The following ILDR1 variants were observed in gnomAD, a reference collection of about 807,000 sequenced individuals.
The protein encoded by ILDR1 is immunoglobulin-like domain-containing receptor 1.
In ILDR1, 56 loss-of-function variants were observed where a neutral mutation model predicts 62.4. The ratio of observed to expected loss-of-function variants is 0.90; its 90% confidence interval spans 0.72 to 1.12. The LOEUF (loss-of-function observed/expected upper bound fraction) is 1.12. Among genes scored for constraint, ILDR1 ranks in the 50% most tolerant of loss-of-function variants. The pLI, the probability that ILDR1 is intolerant of heterozygous loss-of-function variation, is 0.00. For missense variants in ILDR1, 736 were observed against 710.6 expected, an observed-to-expected ratio of 1.04 and a Z score of -0.41; for synonymous variants, 284 against 277.8, an observed-to-expected ratio of 1.02 and a Z score of -0.22.
the ILDR1 span, among the ~76,000 whole-genome samples, chr3:122,055,004 G>A: frequency 2.6e-5 from 4 of 152,052 alleles, no homozygotes; most frequent in South Asian, 8.3e-4. Flanking sequence ...GCAGGGTTAG[G>A]TGGCTACTCA....
chr3:121,991,852 C>G (rs541994359), intron 7 of ILDR1, among the ~76,000 whole-genome samples: 1 of 152,202 alleles, frequency 6.6e-6, no homozygotes, highest in Non-Finnish European at 1.5e-5. Context: ...CACAGCAGAA[C>G]ATGTACTTCC....
the ILDR1 span, among the ~76,000 whole-genome samples, chr3:122,047,685 G>A: frequency 5.3e-5 from 8 of 152,116 alleles, no homozygotes; most frequent in East Asian, 1.9e-4. Context: ...TTCCAGGTGC[G>A]TCTGTCACCC....
chr3:122,060,934 A>T, the ILDR1 span, among the ~76,000 whole-genome samples: 1 of 152,344 alleles, frequency 6.6e-6, no homozygotes, highest in East Asian at 1.9e-4. Context: ...AGAATGGGAA[A>T]AAAAACCCAT....
Position 122,007,174 on chromosome 3 carries a change from G to C in ILDR1, c.59-13C>G, listed in dbSNP as rs762552436. The C allele has an allele frequency of 1.2e-6, 2 of 1,614,038 alleles. No homozygotes were observed. The highest frequency in any genetic ancestry group is 2.7e-5 in the African/African-American group (2 of 74,910). On this transcript the variant is annotated splice_polypyrimidine_tract_variant and intron_variant, in intron 1 of 7. Coordinates refer to ENST00000344209, the MANE Select transcript of ILDR1 (RefSeq NM_001199799.2). ...AAGGACAGGCACCCTAAAGCCAAGA[G>C]CAGGAGAAAATGCTGAAGGTGACCT...
chr3:121,993,238 C>A lies in ILDR1; in HGVS notation c.1511G>T (p.Trp504Leu), dbSNP rs770839837. 1 of 1,613,858 alleles carries A rather than the reference C, an allele frequency of 6.2e-7. No individual in the cohort carries two copies. The highest frequency in any genetic ancestry group is 1.7e-5 in the Admixed American group (1 of 60,000). Residue 504 changes from tryptophan to leucine, a missense_variant, in exon 7 of 8, where the codon TGG (tryptophan) becomes TTG (leucine). Physicochemically the swap from Trp to Leu is moderately conservative, Grantham distance 61. Transcript: ENST00000344209. ...GTAGCTAGGCGGCTTCTCCTCGGGCCAGTGTGGGGAGTGCGAGCCGCGGCG... is the reference window on the plus strand; with the variant it reads ...GTAGCTAGGCGGCTTCTCCTCGGGCAAGTGTGGGGAGTGCGAGCCGCGGCG... ...AHRRGSHSPHWPEEKPPSYRS... is the reference protein window; with the variant it reads ...AHRRGSHSPHLPEEKPPSYRS...
Position 122,005,403 on chromosome 3 carries a change from G to A in ILDR1, c.230-10C>T. The A allele has an allele frequency of 6.2e-7, 1 of 1,614,200 alleles. No individual in the cohort carries two copies. The highest frequency in any genetic ancestry group is 8.5e-7 in the Non-Finnish European group (1 of 1,180,038). On this transcript the variant is annotated splice_polypyrimidine_tract_variant and intron_variant, in intron 2 of 7. Coordinates refer to ENST00000344209, the MANE Select transcript of ILDR1 (RefSeq NM_001199799.2). ...AAAGCTGCCTGGTATGCTGAGGAGA[G>A]AGGGCACACTAGAGTCACACAGCAA...
chr3:122,005,540 A>G, intron 2 of ILDR1, 147 bp from the exon 3 acceptor site: 1 of 793,992 alleles, frequency 1.3e-6, no homozygotes, highest in Non-Finnish European at 2.1e-6. Flanking sequence ...GTTAATCACG[A>G]AGATCCTGAT....
the ILDR1 span, among the ~76,000 whole-genome samples, chr3:122,031,006 GCTAA>G: frequency 6.6e-6 from 1 of 152,160 alleles, no homozygotes; most frequent in Admixed American, 6.5e-5. Context: ...GCTTCTCTTT[GCTAA>G]CTTTCTCTTT....
At chr3:122,034,767 C>CT in the ILDR1 span, among the ~76,000 whole-genome samples, 1 of 152,174 alleles carries the variant, frequency 6.6e-6, no homozygotes, top group Non-Finnish European at 1.5e-5. Context: ...TTCCACATGG[C>CT]TAGGGAAGCC....
At chr3:122,035,331 A>C in the ILDR1 span, among the ~76,000 whole-genome samples, 1 of 152,208 alleles carries the variant, frequency 6.6e-6, no homozygotes, top group African/African-American at 2.4e-5. Flanking sequence ...TTGTAACACC[A>C]GTGAAGGCCC....
At chr3:122,036,529 C>T in the ILDR1 span, among the ~76,000 whole-genome samples, 10 of 150,290 alleles carry the variant, frequency 6.7e-5, no homozygotes, top group African/African-American at 9.8e-5. Flanking sequence ...GTGGAGCTTG[C>T]AGTGAGCCGA....
At chr3:122,041,861 G>T in the ILDR1 span, among the ~76,000 whole-genome samples, 1 of 150,786 alleles carries the variant, frequency 6.6e-6, no homozygotes, top group Non-Finnish European at 1.5e-5. Flanking sequence ...TGTGAACACA[G>T]ATAATGTTAC....
At chr3:122,060,931 G>GA in the ILDR1 span, among the ~76,000 whole-genome samples, 26 of 151,508 alleles carry the variant, frequency 1.7e-4, no homozygotes, top group South Asian at 4.2e-4. Flanking sequence ...AACAGAATGG[G>GA]AAAAAAAACC....
At chr3:122,059,288 C>T in the ILDR1 span, among the ~76,000 whole-genome samples, 1 of 151,954 alleles carries the variant, frequency 6.6e-6, no homozygotes, top group Non-Finnish European at 1.5e-5. Context: ...AAGGACAGAA[C>T]CTGGAAAACC....
the ILDR1 span, among the ~76,000 whole-genome samples, chr3:122,051,831 G>A: frequency 6.6e-6 from 1 of 152,040 alleles, no homozygotes; most frequent in Non-Finnish European, 1.5e-5. Context: ...AGATTCTGGG[G>A]ACCTCTCAAA....
In ILDR1 at chr3:122,022,152, G is replaced by T; in HGVS notation, c.-75C>A. 7.7e-7 allele frequency: 1 copy of T among 1,302,412 alleles called. No individual in the cohort carries two copies. Among genetic ancestry groups the T allele is most frequent in the Non-Finnish European group, 1.1e-6 (1 of 927,806 alleles). The allele number at this position is 1,302,412 out of a possible 1,614,324, so 80.7% of individuals were successfully genotyped here. ...TCTTTCTTCCTCAGCTGCCGCCCCA[G>T]GACGCACCACCTTCTCCAAGGAACC... On this transcript the variant is annotated 5_prime_UTR_variant, in exon 1 of 8. The change creates a new upstream start codon in the 5' untranslated region. Transcript: ENST00000344209.
intron 5 of ILDR1, among the ~76,000 whole-genome samples, chr3:122,000,535 T>C (rs958103621): frequency 1.3e-5 from 2 of 152,256 alleles, no homozygotes; most frequent in African/African-American, 4.8e-5. Context: ...TGTTCACTTG[T>C]ATTCTTTTAA....
chr3:122,007,023 C>A lies in ILDR1; in HGVS notation c.197G>T (p.Cys66Phe). ...VVVTWRFKSFCKDPIFDYYSA... is the reference protein window; with the variant it reads ...VVVTWRFKSFFKDPIFDYYSA... Reference sequence around the variant, plus strand: ...GTAGTAGTCAAAGATAGGGTCCTTGCAGAAGGACTTGAAGCGCCATGTCAC... The same window carrying A: ...GTAGTAGTCAAAGATAGGGTCCTTGAAGAAGGACTTGAAGCGCCATGTCAC... The change falls in exon 2 of 8, where the codon TGC (cysteine) becomes TTC (phenylalanine). Residue 66 changes from cysteine to phenylalanine, a missense_variant. By Grantham distance (205) the Cys-to-Phe change is radical. Transcript: ENST00000344209. 1 of 1,613,390 alleles carries A rather than the reference C, an allele frequency of 6.2e-7. No individual in the cohort carries two copies. Among genetic ancestry groups the A allele is most frequent in the Non-Finnish European group, 8.5e-7 (1 of 1,179,992 alleles).
At chr3:122,041,873 T>A in the ILDR1 span, among the ~76,000 whole-genome samples, 1 of 151,884 alleles carries the variant, frequency 6.6e-6, no homozygotes, top group Non-Finnish European at 1.5e-5. Flanking sequence ...TAATGTTACT[T>A]CTTCCTTTCC....
Sources: allele counts gnomAD v4.1 joint callset (sites outside exome capture counted in the v4.1 genomes callset), GRCh38; gene constraint gnomAD v4.1.1; transcripts MANE v1.5; gene names NCBI Gene and HGNC (gene_info 2026-07-23, HGNC 2026-07-21).